The following ZBTB7C variants were observed in gnomAD, a reference collection of about 807,000 sequenced individuals.
The protein encoded by ZBTB7C is zinc finger and BTB domain containing 7C.
In ZBTB7C, 8 loss-of-function variants were observed where a neutral mutation model predicts 25.7. That is an observed-to-expected ratio of 0.31 (90% CI 0.18 to 0.56). The LOEUF (loss-of-function observed/expected upper bound fraction) is 0.56, where lower values mean the gene tolerates loss of function less well. Among genes scored for constraint, ZBTB7C ranks in the 20% least tolerant of loss-of-function variants. ZBTB7C has a pLI of 0.91. For missense variants in ZBTB7C, 824 were observed against 855.2 expected (o/e 0.96, Z 0.46); for synonymous variants, 394 against 369.0 (o/e 1.07, Z -0.78).
intron 2 of ZBTB7C, among the ~76,000 whole-genome samples, chr18:48,205,266 C>T (rs186151201): frequency 1.3e-5 from 2 of 152,144 alleles, no homozygotes; most frequent in Admixed American, 6.5e-5. Context: ...AATCAAAAAT[C>T]AATTATATTT....
intron 3 of ZBTB7C, among the ~76,000 whole-genome samples, chr18:48,123,605 A>T (rs2039701447): frequency 6.6e-6 from 1 of 152,044 alleles, no homozygotes; most frequent in South Asian, 2.1e-4. Flanking sequence ...TCCCCTGAAC[A>T]CTCCTAACAA....
chr18:48,156,205 G>A (rs2040837351), intron 3 of ZBTB7C, among the ~76,000 whole-genome samples: 1 of 152,212 alleles, frequency 6.6e-6, no homozygotes, highest in Non-Finnish European at 1.5e-5. Context: ...GGAAGATGGA[G>A]CCAGGATTTG....
At chr18:48,304,868 G>T (rs964372361) in intron 2 of ZBTB7C, among the ~76,000 whole-genome samples, 3 of 130,010 alleles carry the variant, frequency 2.3e-5, no homozygotes, top group African/African-American at 8.6e-5. Flanking sequence ...AAAAAAGATA[G>T]CCTTGTTAGA....
chr18:48,179,159 C>T (rs558129343), intron 3 of ZBTB7C, among the ~76,000 whole-genome samples: 19 of 152,226 alleles, frequency 1.2e-4, no homozygotes, highest in African/African-American at 2.9e-4. Flanking sequence ...CTGGCTGTGG[C>T]GCTCTGCTCT....
chr18:48,029,776 G>A lies in ZBTB7C; in HGVS notation c.1344C>T (p.Tyr448=), dbSNP rs2035663897. ...AGCTCTTGTAGCAGAACTCGCACTG[G>A]TAGGGCCGCACGCCCGTGTGGATGC... is the stretch of plus-strand genomic sequence containing the variant. ...HMRIHTGVRP[Y]QCEFCYKSFT... Residue 448 remains tyrosine, a synonymous_variant, in exon 5 of 5, where the codon TAC becomes TAT. Transcript: ENST00000590800. 8.1e-6 allele frequency: 13 copies of A among 1,608,732 alleles called. No homozygotes were observed. The highest frequency in any genetic ancestry group is 1.3e-5 in the African/African-American group (1 of 75,080).
At chr18:48,241,742 C>G (rs536230576) in intron 2 of ZBTB7C, among the ~76,000 whole-genome samples, 2 of 152,024 alleles carry the variant, frequency 1.3e-5, no homozygotes, top group African/African-American at 4.8e-5. Context: ...TAAATGCCTA[C>G]GTCAAAAAGT....
intron 2 of ZBTB7C, among the ~76,000 whole-genome samples, chr18:48,251,132 G>A (rs892665648): frequency 1.3e-5 from 2 of 152,020 alleles, no homozygotes; most frequent in Non-Finnish European, 2.9e-5. Context: ...AATGGGGCAG[G>A]ACAATCACTT....
At chr18:48,104,960 C>G (rs1314006074) in intron 3 of ZBTB7C, among the ~76,000 whole-genome samples, 1 of 152,228 alleles carries the variant, frequency 6.6e-6, no homozygotes. Flanking sequence ...TAATGCCGCA[C>G]TGACCTCTGC....
intron 1 of ZBTB7C, among the ~76,000 whole-genome samples, chr18:48,354,539 C>T (rs1005660861): frequency 7.2e-5 from 11 of 152,276 alleles, no homozygotes; most frequent in African/African-American, 2.4e-4. Context: ...TTCACATCAC[C>T]ATCCCCAAAT....
chr18:48,127,564 C>T (rs564582613), intron 3 of ZBTB7C, among the ~76,000 whole-genome samples: 10 of 152,370 alleles, frequency 6.6e-5, no homozygotes, highest in Admixed American at 3.9e-4. Flanking sequence ...GCATCGCCTT[C>T]GATGGCCCCC....
chr18:48,116,211 C>T (rs141516293), intron 3 of ZBTB7C, among the ~76,000 whole-genome samples: 2,504 of 152,200 alleles, frequency 0.016, 26 homozygotes, highest in Non-Finnish European at 0.025. Context: ...GTGCTGAAGG[C>T]GAGGCTCGAG....
chr18:48,194,465 G>T (rs1376235429), intron 2 of ZBTB7C, among the ~76,000 whole-genome samples: 1 of 152,218 alleles, frequency 6.6e-6, no homozygotes, highest in African/African-American at 2.4e-5. Flanking sequence ...GTGTGGTTAG[G>T]CCAGTGAACC....
At chr18:48,411,013 C>A (rs1252752093), upstream of ZBTB7C, among the ~76,000 whole-genome samples, 1 of 152,012 alleles carries the variant, frequency 6.6e-6, no homozygotes, top group Non-Finnish European at 1.5e-5. Context: ...AGTTTGTGAA[C>A]CTTTGGTGCC....
At chr18:48,201,604 C>T (rs908932810) in intron 2 of ZBTB7C, among the ~76,000 whole-genome samples, 15 of 151,982 alleles carry the variant, frequency 9.9e-5, no homozygotes, top group African/African-American at 3.6e-4. Flanking sequence ...TCCTGCCTCT[C>T]CTCCTGCCTC....
At chr18:48,198,436 G>GAAGTCTGAA (rs2042364708) in intron 2 of ZBTB7C, among the ~76,000 whole-genome samples, 1 of 152,184 alleles carries the variant, frequency 6.6e-6, no homozygotes, top group South Asian at 2.1e-4. Context: ...CTGGAAGTCG[G>GAAGTCTGAA]CAGTTGGGAA....
chr18:48,042,271 TAAAAC>T lies in ZBTB7C; in HGVS notation c.-16-1153_-16-1149del, dbSNP rs904453727. Among the ~76,000 whole-genome samples the T allele has an allele frequency of 3.7e-4, 56 of 150,866 alleles. 1 individual carries two copies. The highest frequency in any genetic ancestry group is 4.9e-4 in the Non-Finnish European group (33 of 67,330). On this transcript the variant is annotated intron_variant, in intron 3 of 4. Transcript: ENST00000590800. ...CCATGGCTTCAGGCTGCTAAAAGCCTAAAACAAAACAAACAACAAATCAGAACAAC... is the reference window on the plus strand; with the variant it reads ...CCATGGCTTCAGGCTGCTAAAAGCCTAAAACAAACAACAAATCAGAACAAC...
At chr18:48,138,422 G>T (rs562569258) in intron 3 of ZBTB7C, among the ~76,000 whole-genome samples, 1 of 152,220 alleles carries the variant, frequency 6.6e-6, no homozygotes, top group Non-Finnish European at 1.5e-5. Context: ...AGGCAGGAAA[G>T]GTCGGGTCTC....
intron 3 of ZBTB7C, among the ~76,000 whole-genome samples, chr18:48,045,181 G>A (rs999081437): frequency 2.6e-5 from 4 of 152,226 alleles, no homozygotes; most frequent in East Asian, 1.9e-4. Flanking sequence ...GGCAAGGGCC[G>A]GCAGGGCAGA....
chr18:48,274,739 G>A (rs1410156022), intron 2 of ZBTB7C, among the ~76,000 whole-genome samples: 1 of 152,170 alleles, frequency 6.6e-6, no homozygotes, highest in Non-Finnish European at 1.5e-5. Flanking sequence ...TCTCCTGTCA[G>A]CGCATGGTCC....
Sources: gnomAD v4.1 joint callset for allele counts (sites outside exome capture counted in the v4.1 genomes callset) on GRCh38, gnomAD v4.1.1 for gene constraint, MANE v1.5 for transcripts, NCBI Gene and HGNC (gene_info 2026-07-23, HGNC 2026-07-21) for gene names.